Variants in POLR3D observed in about 807,000 individuals in gnomAD.
The protein encoded by POLR3D is RNA polymerase III subunit D.
In POLR3D, 42 loss-of-function variants were observed where a neutral mutation model predicts 44.5. The observed-to-expected ratio is 0.94, with a 90% CI of 0.74 to 1.22. The LOEUF (loss-of-function observed/expected upper bound fraction) is 1.22. Among genes scored for constraint, POLR3D ranks in the 50% most tolerant of loss-of-function variants. The pLI, the probability that POLR3D is intolerant of heterozygous loss-of-function variation, is 0.00. For synonymous variants in POLR3D, 217 were observed against 198.1 expected (o/e 1.10, Z -0.80); for missense variants, 507 against 505.2 (o/e 1.00, Z -0.03).
rs761441237 is a variant in POLR3D at position 22,249,168 on chromosome 8, C to T, written c.780C>T (p.Leu260=). 1.2e-6 allele frequency: 2 copies of T among 1,614,100 alleles called. No individual in the cohort carries two copies. The highest frequency in any genetic ancestry group is 1.6e-4 in the Middle Eastern group (1 of 6,062). ...SVAELLRELS[L]TKEEELLFLQ... ...CAGAGCTGCTGAGGGAGCTGAGCCT[C>T]ACCAAGGAAGAGGAACTGCTGTTTC... Residue 260 remains leucine, a synonymous_variant, in exon 7 of 9, where the codon CTC becomes CTT. Coordinates refer to ENST00000306433, the MANE Select transcript of POLR3D (RefSeq NM_001722.3).
At chr8:22,249,876 C>T (rs956122423) in intron 7 of POLR3D, among the ~76,000 whole-genome samples, 199 bp from the exon 8 acceptor site, 3 of 152,198 alleles carry the variant, frequency 2.0e-5, no homozygotes, top group African/African-American at 7.2e-5. Flanking sequence ...TCAGCAGTAA[C>T]TGATATTTTG....
rs986023229 is a variant in POLR3D, at chr8:22,250,989, G to C, written c.*471G>C. ...CTCGGTCCCAGCTTGCCAGTTCCTG[G>C]TTCTGTGTCCTTGGACAAACTACCT... On this transcript the variant is annotated 3_prime_UTR_variant, in exon 9 of 9. Coordinates refer to ENST00000306433, the MANE Select transcript of POLR3D (RefSeq NM_001722.3). The C allele has an allele frequency of 5.6e-6, 1 of 179,972 alleles. No individual in the cohort carries two copies. Among genetic ancestry groups the C allele is most frequent in the African/African-American group, 2.3e-5 (1 of 42,734 alleles). The allele number at this position is 179,972 out of a possible 1,614,324, so 11.1% of individuals were successfully genotyped here. A position where few individuals can be genotyped will look rare whatever the true frequency, so the allele number is the denominator to read the frequency against.
rs1336473412 is a variant in POLR3D, at chr8:22,248,660, G to C, written c.655+11G>C. 6.2e-7 allele frequency: 1 copy of C among 1,606,818 alleles called. No homozygotes were observed. Among genetic ancestry groups the C allele is most frequent in the Admixed American group, 1.7e-5 (1 of 59,120 alleles). On this transcript the variant is annotated intron_variant, in intron 6 of 8. Coordinates refer to ENST00000306433, the MANE Select transcript of POLR3D (RefSeq NM_001722.3). ...TACCTGCTGTGAAAGGTACTCTGTC[G>C]GTTAACTTCTCATCTCCAATTCCAT...
chr8:22,250,694 A>G lies in POLR3D; in HGVS notation c.*176A>G. 1.4e-6 allele frequency: 1 copy of G among 705,008 alleles called. No individual in the cohort carries two copies. Among genetic ancestry groups the G allele is most frequent in the Admixed American group, 2.4e-5 (1 of 41,104 alleles). The allele number at this position is 705,008 out of a possible 1,614,324, so 43.7% of individuals were successfully genotyped here. On this transcript the variant is annotated 3_prime_UTR_variant, in exon 9 of 9. Transcript: ENST00000306433. ...CTCCCACAGCAGCTGTGAATGGCAC[A>G]GTGACCTTCCTGCAGCGTGGAGATG...
chr8:22,245,942 C>G (rs1231868992), intron 2 of POLR3D, among the ~76,000 whole-genome samples: 1 of 152,190 alleles, frequency 6.6e-6, no homozygotes, highest in Non-Finnish European at 1.5e-5. Flanking sequence ...GCATAAACTT[C>G]GCAGTCTTAG....
rs1416158930 is a variant in POLR3D at position 22,248,199 on chromosome 8, A to G, written c.407A>G (p.His136Arg). The G allele has an allele frequency of 6.2e-7, 1 of 1,614,182 alleles. No individual in the cohort carries two copies. Among genetic ancestry groups the G allele is most frequent in the South Asian group, 1.1e-5 (1 of 91,088 alleles). The change falls in exon 5 of 9, where the codon CAT becomes CGT. Residue 136 changes from histidine (H) to arginine (R), a missense_variant. His to Arg is a conservative substitution (Grantham distance 29, BLOSUM62 0). Transcript: ENST00000306433. ...TVDVSDMGPS[H>R]IINIKKEKRE... is the part of the protein sequence containing the mutation. ...GATGTGTCAGACATGGGACCTTCTC[A>G]TATCATCAACATCAAAAAAGAGAAG...
At chr8:22,248,687 G>A (rs1830068531) in intron 6 of POLR3D, 38 bp downstream of exon 6, 2 of 1,585,318 alleles carry the variant, frequency 1.3e-6, no homozygotes, top group African/African-American at 1.3e-5. Flanking sequence ...CAATTCCATG[G>A]CTGCTCCCCA....
chr8:22,249,904 T>C (rs1243703900), intron 7 of POLR3D, among the ~76,000 whole-genome samples, 171 bp from the exon 8 acceptor site: 3 of 152,224 alleles, frequency 2.0e-5, no homozygotes, highest in Non-Finnish European at 4.4e-5. Context: ...ATGTATTTGT[T>C]TGCTGTGGGT....
chr8:22,245,399 C>A, intron 1 of POLR3D, 46 bp from the exon 2 acceptor site: 3 of 1,296,830 alleles, frequency 2.3e-6, no homozygotes, highest in Non-Finnish European at 3.0e-6. Flanking sequence ...CGCCAGGGTC[C>A]GCGTGTCAGT....
rs779980512 is a variant in POLR3D at position 22,250,375 on chromosome 8, A to G, written c.1075-21A>G. On this transcript the variant is annotated intron_variant, in intron 8 of 8. Transcript: ENST00000306433. The stretch of plus-strand genomic sequence containing the variant: ...CGGGCACGTGGTGGTGGTTCTCATC[A>G]CTGTCTCTGTTAATTGGCAGGAGCT... 1.7e-5 allele frequency: 27 copies of G among 1,613,952 alleles called. No individual in the cohort carries two copies. In the South Asian group the frequency reaches 3.0e-4, roughly 18 times the overall value.
At chr8:22,249,664 A>G (rs1830082937) in intron 7 of POLR3D, among the ~76,000 whole-genome samples, 2 of 152,162 alleles carry the variant, frequency 1.3e-5, no homozygotes, top group African/African-American at 4.8e-5. Context: ...ACCATGGCTA[A>G]TACAAAAATT....
Position 22,251,232 on chromosome 8 carries a change from C to A in POLR3D, c.*714C>A, listed in dbSNP as rs993624742. ...CCCAGAAGCAGCGACTAGAGCTGCT[C>A]CCGTCCCCACTCTTGCCCCTTCCTG... On this transcript the variant is annotated 3_prime_UTR_variant, in exon 9 of 9. Transcript: ENST00000306433. 2 of 153,558 alleles carry A rather than the reference C, an allele frequency of 1.3e-5. No homozygotes were observed. The highest frequency in any genetic ancestry group is 4.8e-5 in the African/African-American group (2 of 41,436). The allele number at this position is 153,558 out of a possible 1,614,324, so 9.5% of individuals were successfully genotyped here. A position where few individuals can be genotyped will look rare whatever the true frequency, so the allele number is the denominator to read the frequency against.
At position 22,245,160 on chromosome 8, in the gene POLR3D, G is replaced by C. The variant is rs1324653661; in HGVS notation, c.-29G>C. On this transcript the variant is annotated 5_prime_UTR_variant, in exon 1 of 9. Transcript: ENST00000306433. ...ACTTCCGCCCGGCGCGGAGACCGAA[G>C]GCTGGCGGCTGGTCGCGTTGCAGGT... is the stretch of plus-strand genomic sequence containing the variant. The C allele has an allele frequency of 3.4e-6, 2 of 586,168 alleles. No individual in the cohort carries two copies. Among genetic ancestry groups the C allele is most frequent in the Non-Finnish European group, 6.5e-6 (2 of 309,424 alleles). The allele number at this position is 586,168 out of a possible 1,614,324, so 36.3% of individuals were successfully genotyped here.
chr8:22,247,916 G>A lies in POLR3D; in HGVS notation c.269G>A (p.Arg90Gln), dbSNP rs770477287. 10 of 1,614,176 alleles carry A rather than the reference G, an allele frequency of 6.2e-6. No homozygotes were observed. Among genetic ancestry groups the A allele is most frequent in the South Asian group, 1.1e-5 (1 of 91,086 alleles). Reference protein sequence around the residue: ...EKRERDRDRQREGHGRGRGRP... With the variant: ...EKRERDRDRQQEGHGRGRGRP... ...CGTGAAAGGGACAGAGACCGACAACGAGAGGGGCATGGACGAGGGCGAGGC... is the reference window on the plus strand; with the variant it reads ...CGTGAAAGGGACAGAGACCGACAACAAGAGGGGCATGGACGAGGGCGAGGC... Residue 90 changes from arginine to glutamine, a missense_variant, in exon 4 of 9, where the codon CGA (arginine) becomes CAA (glutamine). By Grantham distance (43) the Arg-to-Gln change is conservative. Coordinates refer to ENST00000306433, the MANE Select transcript of POLR3D (RefSeq NM_001722.3).
chr8:22,248,045 G>A, intron 4 of POLR3D, 37 bp downstream of exon 4: 1 of 1,608,700 alleles, frequency 6.2e-7, no homozygotes, highest in Non-Finnish European at 8.5e-7. Flanking sequence ...AGTTCAGACT[G>A]CCCCAGAGAA....
Position 22,245,480 on chromosome 8 carries a change from A to G in POLR3D, c.31A>G (p.Ser11Gly). 2 of 1,308,636 alleles carry G rather than the reference A, an allele frequency of 1.5e-6. No homozygotes were observed. Among genetic ancestry groups the G allele is most frequent in the Non-Finnish European group, 2.0e-6 (2 of 1,020,908 alleles). The allele number at this position is 1,308,636 out of a possible 1,614,324, so 81.1% of individuals were successfully genotyped here. A position where few individuals can be genotyped will look rare whatever the true frequency, so the allele number is the denominator to read the frequency against. The change falls in exon 2 of 9, where the codon AGC becomes GGC. Residue 11 changes from serine to glycine, a missense_variant. By Grantham distance (56) the Ser-to-Gly change is moderately conservative. Coordinates refer to ENST00000306433, the MANE Select transcript of POLR3D (RefSeq NM_001722.3). Reference protein sequence around the residue: MSEGNAAGEPSTPGGPRPLLT... With the variant: MSEGNAAGEPGTPGGPRPLLT... ...GGAAGGAAACGCCGCCGGCGAGCCC[A>G]GCACGCCGGGAGGGCCCCGACCTCT...
chr8:22,248,304 G>T, intron 5 of POLR3D, 26 bp downstream of exon 5: 2 of 1,610,186 alleles, frequency 1.2e-6, no homozygotes, highest in African/African-American at 1.3e-5. Flanking sequence ...CTGGGGGAAG[G>T]GGTTTCCTTG....
At position 22,253,782 on chromosome 8, in the gene POLR3D, C is replaced by G. The variant is rs902482824; in HGVS notation, c.*3264C>G. 6.6e-6 allele frequency: 1 copy of G among 152,214 alleles called. No individual in the cohort carries two copies. Among genetic ancestry groups the G allele is most frequent in the East Asian group, 1.9e-4 (1 of 5,180 alleles). The allele number at this position is 152,214 out of a possible 1,614,324, so 9.4% of individuals were successfully genotyped here. On this transcript the variant is annotated 3_prime_UTR_variant, in exon 9 of 9. Transcript: ENST00000306433. ...ACTCTGTCTCCCAGGTTCAAGTGAT[C>G]CTCCCGCCTCAGCCCCCCAGATAGC...
chr8:22,250,679 AGCT>A lies in POLR3D; in HGVS notation c.*163_*165del. 1.2e-6 allele frequency: 1 copy of A among 805,028 alleles called. No homozygotes were observed. The highest frequency in any genetic ancestry group is 2.5e-5 in the East Asian group (1 of 40,472). 49.9% of individuals were successfully genotyped at this position (805,028 alleles called of 1,614,324 possible). A position where few individuals can be genotyped will look rare whatever the true frequency, so the allele number is the denominator to read the frequency against. On this transcript the variant is annotated 3_prime_UTR_variant, in exon 9 of 9. Coordinates refer to ENST00000306433, the MANE Select transcript of POLR3D (RefSeq NM_001722.3). The stretch of plus-strand genomic sequence containing the variant: ...GTCCCCCAGGGCTTCCTCCCACAGC[AGCT>A]GTGAATGGCACAGTGACCTTCCTGC...
Sources: gnomAD v4.1 joint callset for allele counts (sites outside exome capture counted in the v4.1 genomes callset) on GRCh38, gnomAD v4.1.1 for gene constraint, MANE v1.5 for transcripts, NCBI Gene and HGNC (gene_info 2026-07-23, HGNC 2026-07-21) for gene names.